Variants in TMEM132B observed in about 807,000 individuals in gnomAD.
The protein encoded by TMEM132B is transmembrane protein 132B.
In TMEM132B, 18 loss-of-function variants were observed where a neutral mutation model predicts 90.8. The observed-to-expected ratio is 0.20, with a 90% confidence interval of 0.14 to 0.29. The LOEUF is 0.29. TMEM132B is among the 10% of genes least tolerant of loss of function. The pLI, the probability that TMEM132B is intolerant of heterozygous loss-of-function variation, is 1.00. For synonymous variants in TMEM132B, 504 were observed against 523.3 expected (o/e 0.96, Z 0.50); for missense variants, 1,096 against 1,326.8 (o/e 0.83, Z 2.70).
chr12:125,626,892 C>A (rs1473653897), intron 5 of TMEM132B, among the ~76,000 whole-genome samples: 1 of 151,954 alleles, frequency 6.6e-6, no homozygotes, highest in African/African-American at 2.4e-5. Context: ...ATTTTTTGAG[C>A]CCTGTTTTAT....
In TMEM132B at chr12:125,189,436, G is replaced by A. The variant is rs561738239; in HGVS notation, c.67+2570G>A. Among the ~76,000 whole-genome samples the A allele has an allele frequency of 8.5e-5, 13 of 152,256 alleles. No homozygotes were observed. The East Asian group carries it at 2.3e-3, about 27-fold the overall frequency. Reference sequence around the variant, plus strand: ...GACAGAGGGGCCACATTGAGTGGCAGGGGGGAGCTTTGGCTTTCAGGGCAG... The same window carrying A: ...GACAGAGGGGCCACATTGAGTGGCAAGGGGGAGCTTTGGCTTTCAGGGCAG... On this transcript the variant is annotated intron_variant, in intron 1 of 8. Transcript: ENST00000682704.
intron 1 of TMEM132B, among the ~76,000 whole-genome samples, chr12:125,232,138 A>G (rs11058089): frequency 0.041 from 6,305 of 152,280 alleles, 145 homozygotes; most frequent in Non-Finnish European, 0.048. Flanking sequence ...GTCTTCATAT[A>G]TTATAATTTA....
chr12:125,606,949 A>G (rs1336440170), intron 5 of TMEM132B, among the ~76,000 whole-genome samples: 4 of 152,136 alleles, frequency 2.6e-5, no homozygotes, highest in Non-Finnish European at 4.4e-5. Flanking sequence ...GGGAGATGGG[A>G]TGTGCTGATT....
At chr12:125,210,620 G>A (rs540990787) in intron 1 of TMEM132B, among the ~76,000 whole-genome samples, 2 of 152,184 alleles carry the variant, frequency 1.3e-5, no homozygotes, top group Non-Finnish European at 1.5e-5. Flanking sequence ...AGTCATGGGA[G>A]CTTGGGGTGG....
At chr12:125,207,289 C>T (rs868378797) in intron 1 of TMEM132B, among the ~76,000 whole-genome samples, 1 of 152,184 alleles carries the variant, frequency 6.6e-6, no homozygotes, top group South Asian at 2.1e-4. Context: ...AGACACAGCC[C>T]CAGTTCACTC....
chr12:125,436,563 T>C (rs551659616), intron 3 of TMEM132B, among the ~76,000 whole-genome samples: 1 of 152,236 alleles, frequency 6.6e-6, no homozygotes, highest in East Asian at 1.9e-4. Flanking sequence ...GTGATGCATC[T>C]ACAAACCAAG....
chr12:125,212,716 T>G (rs1399832931), intron 1 of TMEM132B, among the ~76,000 whole-genome samples: 4 of 152,012 alleles, frequency 2.6e-5, no homozygotes, highest in African/African-American at 9.7e-5. Context: ...ATTCCTGGGC[T>G]CAAGTGATCC....
In TMEM132B at chr12:125,655,403, A is replaced by T. The variant is rs1177073188; in HGVS notation, c.*693A>T. On this transcript the variant is annotated 3_prime_UTR_variant, in exon 9 of 9. Coordinates refer to ENST00000682704, the MANE Select transcript of TMEM132B (RefSeq NM_001366854.1). Reference sequence around the variant, plus strand: ...CATCATCTAGGGATGGTATCCAAGAAGCTTATTCTCACTTTGTTTTTTCCT... The same window carrying T: ...CATCATCTAGGGATGGTATCCAAGATGCTTATTCTCACTTTGTTTTTTCCT... The T allele has an allele frequency of 6.6e-6, 1 of 152,194 alleles. No homozygotes were observed. The highest frequency in any genetic ancestry group is 1.9e-4 in the East Asian group (1 of 5,198). The allele number at this position is 152,194 out of a possible 1,614,324, so 9.4% of individuals were successfully genotyped here.
chr12:125,218,626 G>C (rs1873491183), intron 1 of TMEM132B, among the ~76,000 whole-genome samples: 1 of 152,190 alleles, frequency 6.6e-6, no homozygotes, highest in African/African-American at 2.4e-5. Flanking sequence ...AAAAAGGTCA[G>C]TGTGAACTGT....
chr12:125,335,674 A>C (rs556064091), intron 1 of TMEM132B, among the ~76,000 whole-genome samples: 1 of 152,304 alleles, frequency 6.6e-6, no homozygotes, highest in Admixed American at 6.5e-5. Flanking sequence ...GGGAAAATGC[A>C]TCTTAAAAAA....
At position 125,316,769 on chromosome 12, in the gene TMEM132B, G is replaced by A. The variant is rs143949454; in HGVS notation, c.68-32683G>A. On this transcript the variant is annotated intron_variant, in intron 1 of 8. Coordinates refer to ENST00000682704, the MANE Select transcript of TMEM132B (RefSeq NM_001366854.1). Reference sequence around the variant, plus strand: ...AGTGGGGGGCTGCAGTGACGTAAGCGAGGGGGACAGAGCAGTGAGAAGGAC... The same window carrying A: ...AGTGGGGGGCTGCAGTGACGTAAGCAAGGGGGACAGAGCAGTGAGAAGGAC... Among the ~76,000 whole-genome samples the A allele has an allele frequency of 1.9e-3, 292 of 152,296 alleles. 2 individuals carry two copies. Among genetic ancestry groups the A allele is most frequent in the African/African-American group, 6.6e-3 (275 of 41,546 alleles).
At chr12:125,641,963 C>T (rs529323191) in intron 5 of TMEM132B, among the ~76,000 whole-genome samples, 4 of 152,298 alleles carry the variant, frequency 2.6e-5, no homozygotes, top group Middle Eastern at 3.4e-3. Flanking sequence ...CCAATGTATC[C>T]ACTGCAGGTT....
intron 1 of TMEM132B, among the ~76,000 whole-genome samples, chr12:125,201,583 G>A (rs920220556): frequency 6.6e-6 from 1 of 152,200 alleles, no homozygotes; most frequent in African/African-American, 2.4e-5. Context: ...CTGAAATTAA[G>A]GGCATGAACT....
chr12:125,558,731 A>C (rs1884451182), intron 4 of TMEM132B, among the ~76,000 whole-genome samples: 1 of 152,214 alleles, frequency 6.6e-6, no homozygotes, highest in Non-Finnish European at 1.5e-5. Context: ...TTATAGATCA[A>C]GAAGATGAGT....
chr12:125,257,996 A>G (rs1874479078), intron 1 of TMEM132B, among the ~76,000 whole-genome samples: 1 of 152,248 alleles, frequency 6.6e-6, no homozygotes, highest in Non-Finnish European at 1.5e-5. Flanking sequence ...AGTTCATTTC[A>G]GCACAATTTG....
chr12:125,458,620 C>A lies in TMEM132B; in HGVS notation c.1106+42943C>A, dbSNP rs1209578797. Among the ~76,000 whole-genome samples the A allele has an allele frequency of 2.0e-5, 3 of 152,110 alleles. No homozygotes were observed. Among genetic ancestry groups the A allele is most frequent in the Non-Finnish European group, 4.4e-5 (3 of 68,002 alleles). On this transcript the variant is annotated intron_variant, in intron 3 of 8. Transcript: ENST00000682704. The surrounding 1 kb of genome is among the most constrained non-coding windows in gnomAD (Gnocchi z 4.9). ...GATCACACATGGAGCTGGCTCAGGA[C>A]CCCTGGAAATGAGACTCACATCCAT... is the stretch of plus-strand genomic sequence containing the variant.
chr12:125,543,576 A>C (rs1278462026), intron 4 of TMEM132B, among the ~76,000 whole-genome samples: 2 of 152,188 alleles, frequency 1.3e-5, no homozygotes, highest in African/African-American at 4.8e-5. Context: ...GTGCTTTTTA[A>C]ATACCTTCTG....
chr12:125,464,666 A>G lies in TMEM132B; in HGVS notation c.1106+48989A>G, dbSNP rs977597771. On this transcript the variant is annotated intron_variant, in intron 3 of 8. Transcript: ENST00000682704. ...AAAGTCAATCTCTGCATACACTGGC[A>G]TCATTTGCATTGTGTGGTGTGGGGT... is the stretch of plus-strand genomic sequence containing the variant. Among the ~76,000 whole-genome samples, 26 of 152,192 alleles carry G rather than the reference A, an allele frequency of 1.7e-4. 1 individual carries two copies. The highest frequency in any genetic ancestry group is 1.5e-5 in the Non-Finnish European group (1 of 68,034).
intron 4 of TMEM132B, among the ~76,000 whole-genome samples, chr12:125,523,779 G>A (rs564997140): frequency 6.6e-6 from 1 of 152,306 alleles, no homozygotes; most frequent in South Asian, 2.1e-4. Context: ...CTGCTGCCTT[G>A]GGAGCTCTCT....
Sources: gnomAD v4.1 joint callset for allele counts (sites outside exome capture counted in the v4.1 genomes callset) on GRCh38, gnomAD v4.1.1 for gene constraint, Gnocchi (gnomAD v3.1) non-coding constraint, MANE v1.5 for transcripts, NCBI Gene and HGNC (gene_info 2026-07-23, HGNC 2026-07-21) for gene names.